The following SCAMP1 variants were observed in gnomAD, a reference collection of about 807,000 sequenced individuals.
SCAMP1 encodes the protein secretory carrier-associated membrane protein 1.
Under a neutral mutation model 41.8 loss-of-function variants are expected in SCAMP1, and 15 were observed. The observed-to-expected ratio is 0.36, with a 90% CI of 0.24 to 0.55. The LOEUF (loss-of-function observed/expected upper bound fraction) is 0.55. Ranked by LOEUF, SCAMP1 falls within the 20% of genes least tolerant of loss-of-function variation. SCAMP1 has a pLI of 0.86. For missense variants in SCAMP1, 341 were observed against 412.6 expected (o/e 0.83, Z 1.50); for synonymous variants, 135 against 136.8 (o/e 0.99, Z 0.09).
Position 78,391,391 on chromosome 5 carries a change from G to A in SCAMP1, c.135+2477G>A, listed in dbSNP as rs189692284. Among the ~76,000 whole-genome samples, 5 of 149,568 alleles carry A rather than the reference G, an allele frequency of 3.3e-5. 1 individual carries two copies. Among genetic ancestry groups the A allele is most frequent in the Admixed American group, 2.6e-4 (4 of 15,128 alleles). Reference sequence around the variant, plus strand: ...GCGCCCCTCACCTCCCGGACGGGGCGGCTGGCCTGGCGGGGGGCTGACCCC... The same window carrying A: ...GCGCCCCTCACCTCCCGGACGGGGCAGCTGGCCTGGCGGGGGGCTGACCCC... On this transcript the variant is annotated intron_variant, in intron 2 of 8. Transcript: ENST00000621999.
intron 1 of SCAMP1, among the ~76,000 whole-genome samples, chr5:78,371,891 G>A (rs190608769): frequency 1.7e-3 from 256 of 152,294 alleles, no homozygotes; most frequent in Middle Eastern, 0.014. Context: ...AGTGTAAAGC[G>A]TTATGCATTT....
chr5:78,437,030 T>C (rs6877148), intron 6 of SCAMP1, among the ~76,000 whole-genome samples: 5,374 of 152,120 alleles, frequency 0.035, 342 homozygotes, highest in African/African-American at 0.12. Context: ...CTGTTTGTTA[T>C]TGGTGTATAG....
At chr5:78,411,998 A>G (rs1267321173) in intron 2 of SCAMP1, among the ~76,000 whole-genome samples, 2 of 152,032 alleles carry the variant, frequency 1.3e-5, no homozygotes, top group Non-Finnish European at 2.9e-5. Flanking sequence ...TTTGATTACT[A>G]ATGAGGTTGA....
chr5:78,432,795 A>T (rs1752655328), intron 6 of SCAMP1, among the ~76,000 whole-genome samples: 1 of 152,064 alleles, frequency 6.6e-6, no homozygotes, highest in Non-Finnish European at 1.5e-5. Flanking sequence ...GAAAATTCTC[A>T]GTCATTCACT....
intron 2 of SCAMP1, among the ~76,000 whole-genome samples, chr5:78,392,858 T>G (rs2112094630): frequency 6.6e-6 from 1 of 152,078 alleles, no homozygotes; most frequent in East Asian, 1.9e-4. Flanking sequence ...AGTTAGATAA[T>G]TGATTTAAGT....
At chr5:78,428,392 C>A (rs1752518372) in intron 6 of SCAMP1, among the ~76,000 whole-genome samples, 1 of 151,940 alleles carries the variant, frequency 6.6e-6, no homozygotes, top group Non-Finnish European at 1.5e-5. Flanking sequence ...TGGACTTTTC[C>A]CATTGAATTG....
At position 78,480,348 on chromosome 5, in the gene SCAMP1, A is replaced by G. The variant is rs950614910; in HGVS notation, c.*4680A>G. ...ACATTAAAACAGTTCTAGTTTGTAG[A>G]ATAATACCATACAAGTTTTATTTTT... is the stretch of plus-strand genomic sequence containing the variant. On this transcript the variant is annotated 3_prime_UTR_variant, in exon 9 of 9. Coordinates refer to ENST00000621999, the MANE Select transcript of SCAMP1 (RefSeq NM_004866.6). Among the ~76,000 whole-genome samples the G allele has an allele frequency of 6.6e-6, 1 of 152,228 alleles. No homozygotes were observed. Among genetic ancestry groups the G allele is most frequent in the Non-Finnish European group, 1.5e-5 (1 of 68,026 alleles).
At chr5:78,430,198 A>AGTATTTATAAATACT (rs1752578568) in intron 6 of SCAMP1, among the ~76,000 whole-genome samples, 1 of 8,946 alleles carries the variant, frequency 1.1e-4, no homozygotes, top group African/African-American at 4.8e-4. Context: ...TTATAAATAC[A>AGTATTTATAAATACT]GTATTTATTT....
intron 7 of SCAMP1, among the ~76,000 whole-genome samples, chr5:78,451,964 T>C (rs983918263): frequency 1.3e-5 from 2 of 152,188 alleles, no homozygotes; most frequent in African/African-American, 2.4e-5. Flanking sequence ...CTCCTTTTTA[T>C]TTTTGAGTAG....
intron 2 of SCAMP1, among the ~76,000 whole-genome samples, chr5:78,412,818 A>G (rs976870598): frequency 6.6e-6 from 1 of 152,178 alleles, no homozygotes; most frequent in East Asian, 1.9e-4. Context: ...CATTACAACT[A>G]TCTTTTCCTA....
At chr5:78,442,076 C>T (rs1386028749) in intron 6 of SCAMP1, among the ~76,000 whole-genome samples, 1 of 152,138 alleles carries the variant, frequency 6.6e-6, no homozygotes, top group East Asian at 1.9e-4. Context: ...CTGCAGTGAG[C>T]TGTGATCATG....
intron 1 of SCAMP1, 62 bp downstream of exon 1, chr5:78,360,790 A>C: frequency 6.7e-7 from 1 of 1,497,182 alleles, no homozygotes; most frequent in Non-Finnish European, 9.1e-7. Flanking sequence ...AAAACGGACG[A>C]GTTCCTTCGC....
intron 1 of SCAMP1, among the ~76,000 whole-genome samples, chr5:78,362,895 C>CTTTTTTTTTT (rs397962842): frequency 7.3e-6 from 1 of 136,604 alleles, no homozygotes; most frequent in Non-Finnish European, 1.5e-5. Flanking sequence ...TCTTTTTTTA[C>CTTTTTTTTTT]TTTTTTTTTT....
chr5:78,424,845 G>T (rs1031535746), intron 6 of SCAMP1, among the ~76,000 whole-genome samples: 13 of 152,186 alleles, frequency 8.5e-5, no homozygotes, highest in African/African-American at 3.1e-4. Context: ...CAGCATTATT[G>T]TTGAATGTTG....
chr5:78,428,695 G>GT, intron 6 of SCAMP1, among the ~76,000 whole-genome samples: 1 of 152,192 alleles, frequency 6.6e-6, no homozygotes, highest in Non-Finnish European at 1.5e-5. Context: ...AGTTAACACT[G>GT]TAAGCCAGTT....
intron 6 of SCAMP1, among the ~76,000 whole-genome samples, chr5:78,438,199 A>G (rs13360854): frequency 0.76 from 116,025 of 152,038 alleles, 44,904 homozygotes; most frequent in African/African-American, 0.85. Flanking sequence ...AGGGTTTTTT[A>G]TGTCTCTATC....
intron 2 of SCAMP1, 99 bp downstream of exon 2, chr5:78,389,013 A>C: frequency 1.7e-6 from 1 of 590,804 alleles, no homozygotes; most frequent in East Asian, 3.1e-5. Context: ...CACTTAAATA[A>C]AACAAATTGT....
chr5:78,461,708 C>T (rs1046958486), intron 8 of SCAMP1, among the ~76,000 whole-genome samples: 2 of 152,092 alleles, frequency 1.3e-5, no homozygotes, highest in African/African-American at 2.4e-5. Flanking sequence ...GACTAACAAG[C>T]GTGAACCACC....
intron 6 of SCAMP1, among the ~76,000 whole-genome samples, chr5:78,435,339 A>G (rs1393353536): frequency 1.3e-5 from 2 of 152,118 alleles, no homozygotes; most frequent in African/African-American, 4.8e-5. Flanking sequence ...GCACCCATCA[A>G]CTCATCATTT....
Sources: allele counts gnomAD v4.1 joint callset (sites outside exome capture counted in the v4.1 genomes callset), GRCh38; gene constraint gnomAD v4.1.1; transcripts MANE v1.5; gene names NCBI Gene and HGNC (gene_info 2026-07-23, HGNC 2026-07-21).